The following LHX8 variants were observed in gnomAD, a reference collection of about 807,000 sequenced individuals.
LHX8 encodes LIM homeobox 8, also known as LIM/homeobox protein Lhx8.
Under a neutral mutation model 40.3 loss-of-function variants are expected in LHX8, and 12 were observed. The observed-to-expected ratio is 0.30, with a 90% CI of 0.19 to 0.48. LHX8 has a LOEUF of 0.48. Among genes scored for constraint, LHX8 ranks in the 20% least tolerant of loss-of-function variants. LHX8 has a pLI of 0.99. For missense variants in LHX8, 344 were observed against 433.7 expected, an observed-to-expected ratio of 0.79 and a Z score of 1.84; for synonymous variants, 179 against 162.0, an observed-to-expected ratio of 1.10 and a Z score of -0.80.
chr1:75,135,830 G>T (rs1223381397), intron 1 of LHX8, among the ~76,000 whole-genome samples: 1 of 152,106 alleles, frequency 6.6e-6, no homozygotes, highest in Admixed American at 6.5e-5. Flanking sequence ...CGCTTTTTGC[G>T]CTGGTTAAAA....
chr1:75,139,123 G>A (rs907015764), intron 3 of LHX8, among the ~76,000 whole-genome samples: 2 of 152,084 alleles, frequency 1.3e-5, no homozygotes, highest in Admixed American at 6.5e-5. Flanking sequence ...ACTATCTTGT[G>A]AGGCAAATAA....
At chr1:75,137,517 G>A (rs145146222) in intron 3 of LHX8, among the ~76,000 whole-genome samples, 9 of 152,308 alleles carry the variant, frequency 5.9e-5, no homozygotes, top group African/African-American at 1.7e-4. Flanking sequence ...GATGTGTGTG[G>A]ATGCGCTGGA....
chr1:75,165,003 T>G (rs1649002853), downstream of LHX8, among the ~76,000 whole-genome samples: 1 of 152,200 alleles, frequency 6.6e-6, no homozygotes, highest in Admixed American at 6.5e-5. Context: ...GGGGCTAAAT[T>G]TAAGCACAAG....
At chr1:75,173,305 A>G in the LHX8 span, among the ~76,000 whole-genome samples, 3 of 151,550 alleles carry the variant, frequency 2.0e-5, no homozygotes, top group South Asian at 6.3e-4. Context: ...ACTTGAGCAC[A>G]GGTCACAAAG....
At chr1:75,145,007 G>A (rs1358471426) in intron 6 of LHX8, among the ~76,000 whole-genome samples, 3 of 152,092 alleles carry the variant, frequency 2.0e-5, no homozygotes, top group Non-Finnish European at 4.4e-5. Context: ...GTGGCAATGG[G>A]AAGCACTCTA....
chr1:75,146,248 C>T (rs1441115171), intron 6 of LHX8, among the ~76,000 whole-genome samples: 1 of 151,928 alleles, frequency 6.6e-6, no homozygotes, highest in Non-Finnish European at 1.5e-5. Flanking sequence ...CTAGTCAGTA[C>T]CTGCTTTGGA....
At chr1:75,136,361 C>T (rs1328965266) in intron 1 of LHX8, among the ~76,000 whole-genome samples, 1 of 151,942 alleles carries the variant, frequency 6.6e-6, no homozygotes, top group Non-Finnish European at 1.5e-5. Flanking sequence ...GCCGGAGACC[C>T]GGAGCCCGGG....
At chr1:75,166,427 C>T (rs1262091957), downstream of LHX8, among the ~76,000 whole-genome samples, 1 of 152,148 alleles carries the variant, frequency 6.6e-6, no homozygotes, top group Non-Finnish European at 1.5e-5. Context: ...TTTTCTTAAA[C>T]CCAAAGGAAT....
upstream of LHX8, chr1:75,130,330 G>T (rs924111482): frequency 9.6e-5 from 31 of 321,752 alleles, no homozygotes; most frequent in African/African-American, 6.0e-4. Context: ...CAGACTCTTG[G>T]TCGCAGAACT....
At chr1:75,163,283 C>G (rs988311055), downstream of LHX8, among the ~76,000 whole-genome samples, 3 of 152,114 alleles carry the variant, frequency 2.0e-5, no homozygotes, top group South Asian at 2.1e-4. Flanking sequence ...CATCTGAAAG[C>G]TGATAGCTGT....
intron 7 of LHX8, among the ~76,000 whole-genome samples, chr1:75,155,317 C>T (rs1210610234): frequency 7.0e-6 from 1 of 143,016 alleles, no homozygotes; most frequent in Non-Finnish European, 1.5e-5. Flanking sequence ...TCACTGCAAG[C>T]TCCACCTCCC....
At chr1:75,144,035 T>G in intron 6 of LHX8, 87 bp downstream of exon 6, 1 of 992,652 alleles carries the variant, frequency 1.0e-6, no homozygotes, top group Non-Finnish European at 1.6e-6. Flanking sequence ...AAAAACATTT[T>G]TATGTTTTCT....
chr1:75,180,304 C>T, the LHX8 span, among the ~76,000 whole-genome samples: 1 of 152,216 alleles, frequency 6.6e-6, no homozygotes, highest in Non-Finnish European at 1.5e-5. Flanking sequence ...TGGTTCCATT[C>T]TCCCCGTCAC....
the LHX8 span, among the ~76,000 whole-genome samples, chr1:75,190,861 G>A: frequency 6.6e-6 from 1 of 152,086 alleles, no homozygotes; most frequent in African/African-American, 2.4e-5. Flanking sequence ...GTAATTCTGT[G>A]TAATGTAAGA....
chr1:75,177,847 C>T, the LHX8 span, among the ~76,000 whole-genome samples: 1 of 152,260 alleles, frequency 6.6e-6, no homozygotes, highest in Non-Finnish European at 1.5e-5. Flanking sequence ...GAGATATGTT[C>T]CATCAATACC....
At chr1:75,186,831 A>G in the LHX8 span, among the ~76,000 whole-genome samples, 1 of 152,186 alleles carries the variant, frequency 6.6e-6, no homozygotes. Context: ...TATTTAACAG[A>G]TGAGAAAACT....
intron 3 of LHX8, among the ~76,000 whole-genome samples, chr1:75,139,539 T>C (rs571504879): frequency 4.6e-5 from 7 of 152,278 alleles, no homozygotes; most frequent in African/African-American, 1.7e-4. Flanking sequence ...CTAAACTTTA[T>C]ACTGGTTGGT....
At chr1:75,136,997 C>T in intron 2 of LHX8, 103 bp from the exon 3 acceptor site, 1 of 1,165,922 alleles carries the variant, frequency 8.6e-7, no homozygotes, top group Non-Finnish European at 1.1e-6. Flanking sequence ...GGTGGGGTGG[C>T]CAGGGGGAAG....
chr1:75,129,235 A>G (rs1647900007), intron 1 of LHX8, among the ~76,000 whole-genome samples: 1 of 152,180 alleles, frequency 6.6e-6, no homozygotes, highest in African/African-American at 2.4e-5. Context: ...TGCTCTTACT[A>G]TAATAACACG....
Sources: gnomAD v4.1 joint callset for allele counts (sites outside exome capture counted in the v4.1 genomes callset) on GRCh38, gnomAD v4.1.1 for gene constraint, MANE v1.5 for transcripts, NCBI Gene and HGNC (gene_info 2026-07-23, HGNC 2026-07-21) for gene names.